SYNE2: variants seen among roughly 807,000 people sequenced by gnomAD.
SYNE2 encodes nesprin-2.
Under a neutral mutation model 856.3 loss-of-function variants are expected in SYNE2, and 431 were observed. That is an observed-to-expected ratio of 0.50 (90% CI 0.47 to 0.55). SYNE2 has a LOEUF of 0.55. Among genes scored for constraint, SYNE2 ranks in the 20% least tolerant of loss-of-function variants. SYNE2 has a pLI of 0.00. For synonymous variants in SYNE2, 2,923 were observed against 2,872.3 expected, an observed-to-expected ratio of 1.02 and a Z score of -0.56; for missense variants, 8,129 against 8,023.2, an observed-to-expected ratio of 1.01 and a Z score of -0.50.
At chr14:64,139,904 T>G (rs1375491613) in intron 79 of SYNE2, 37 bp from the exon 80 acceptor site, 1 of 1,612,554 alleles carries the variant, frequency 6.2e-7, no homozygotes, top group East Asian at 2.2e-5. Flanking sequence ...CAGAATATGT[T>G]TCTAATCTGC....
chr14:64,160,918 G>A (rs1475914521), intron 87 of SYNE2, among the ~76,000 whole-genome samples: 1 of 151,346 alleles, frequency 6.6e-6, no homozygotes, highest in Non-Finnish European at 1.5e-5. Flanking sequence ...ATACTAAACA[G>A]GAATTAAACT....
At chr14:63,989,932 G>A (rs2096654589) in intron 19 of SYNE2, among the ~76,000 whole-genome samples, 1 of 152,258 alleles carries the variant, frequency 6.6e-6, no homozygotes, top group Admixed American at 6.5e-5. Flanking sequence ...TTACAGGCGT[G>A]AGCCACTGTG....
At chr14:64,058,987 A>G (rs1317028801) in intron 49 of SYNE2, among the ~76,000 whole-genome samples, 1 of 152,084 alleles carries the variant, frequency 6.6e-6, no homozygotes, top group Non-Finnish European at 1.5e-5. Context: ...TGCAGTTTTC[A>G]ACCCCAGCAT....
intron 73 of SYNE2, among the ~76,000 whole-genome samples, chr14:64,127,783 C>G (rs981404532): frequency 2.0e-5 from 3 of 152,162 alleles, no homozygotes; most frequent in African/African-American, 7.2e-5. Flanking sequence ...TGAATCTGAC[C>G]AAGCTGCTAG....
chr14:63,963,770 CT>C, intron 9 of SYNE2, 128 bp from the exon 10 acceptor site: 1 of 691,318 alleles, frequency 1.4e-6, no homozygotes, highest in Non-Finnish European at 2.6e-6. Flanking sequence ...TGAAATTACT[CT>C]TTGGCATAAT....
At chr14:64,100,024 T>C (rs544757524) in intron 63 of SYNE2, 1 of 152,174 alleles carries the variant, frequency 6.6e-6, no homozygotes, top group Non-Finnish European at 1.5e-5. Context: ...TAAAGACACA[T>C]GCACACATAT....
intron 16 of SYNE2, 143 bp from the exon 17 acceptor site, chr14:63,982,487 T>G: frequency 2.6e-6 from 2 of 755,446 alleles, no homozygotes; most frequent in African/African-American, 2.1e-5. Context: ...GCCACTGCAC[T>G]CCAGCCTGGG....
chr14:63,974,529 C>G (rs2096513704), intron 11 of SYNE2, among the ~76,000 whole-genome samples: 1 of 151,976 alleles, frequency 6.6e-6, no homozygotes, highest in African/African-American at 2.4e-5. Flanking sequence ...GATAAACATT[C>G]AAACTGTACA....
At chr14:63,789,310 T>A (rs1887648497) in intron 1 of SYNE2, among the ~76,000 whole-genome samples, 1 of 152,238 alleles carries the variant, frequency 6.6e-6, no homozygotes, top group Admixed American at 6.5e-5. Context: ...ATCCTAGATC[T>A]CCTGTTTCCT....
chr14:63,964,195 A>G (rs1251329527), intron 10 of SYNE2, among the ~76,000 whole-genome samples, 195 bp downstream of exon 10: 1 of 152,254 alleles, frequency 6.6e-6, no homozygotes, highest in Non-Finnish European at 1.5e-5. Context: ...TAAAATGCAC[A>G]TTCTGGTTCA....
chr14:64,055,889 A>C, intron 48 of SYNE2, 55 bp from the exon 49 acceptor site: 1 of 1,416,562 alleles, frequency 7.1e-7, no homozygotes, highest in Non-Finnish European at 9.9e-7. Flanking sequence ...TAAGAATGAC[A>C]GGAATTCCAA....
At chr14:63,941,616 A>G in intron 3 of SYNE2, 79 bp from the exon 4 acceptor site, 1 of 1,246,982 alleles carries the variant, frequency 8.0e-7, no homozygotes, top group East Asian at 2.3e-5. Flanking sequence ...GTTTTTCACA[A>G]AGCACATTTA....
intron 45 of SYNE2, among the ~76,000 whole-genome samples, chr14:64,036,434 C>T (rs902366549): frequency 6.6e-6 from 1 of 152,074 alleles, no homozygotes; most frequent in Non-Finnish European, 1.5e-5. Flanking sequence ...CACAGGTGTG[C>T]ACCACCACAC....
chr14:63,895,648 G>A (rs895137292), intron 1 of SYNE2, among the ~76,000 whole-genome samples: 1 of 148,072 alleles, frequency 6.8e-6, no homozygotes, highest in African/African-American at 2.5e-5. Context: ...TGTGCCTATT[G>A]TCCCAGGTAC....
rs2153681761 is a variant in SYNE2 at position 64,132,278 on chromosome 14, A to G, written c.14354A>G (p.Lys4785Arg). 2 of 1,613,524 alleles carry G rather than the reference A, an allele frequency of 1.2e-6. No individual in the cohort carries two copies. Among genetic ancestry groups the G allele is most frequent in the Non-Finnish European group, 1.7e-6 (2 of 1,180,014 alleles). Residue 4785 changes from lysine to arginine, a missense_variant, in exon 77 of 116, where the codon AAG (lysine) becomes AGG (arginine). Physicochemically the swap from Lys to Arg is conservative, Grantham distance 26. Around this residue, in one of 3 missense-constraint regions of SYNE2, gnomAD observed 5,410 missense variants for 5,284.8 expected, o/e 1.02. Coordinates refer to ENST00000555002, the MANE Select transcript of SYNE2 (RefSeq NM_182914.3). ...TCCATCTCATAGGTTTTTTTCCAGA[A>G]GCTTGTTGCTGACATGTTGTTGATC... ...QIENHKVFFQ[K>R]LVADMLLIQA...
At chr14:63,778,455 C>T (rs565057363) in intron 1 of SYNE2, among the ~76,000 whole-genome samples, 27 of 152,192 alleles carry the variant, frequency 1.8e-4, no homozygotes, top group African/African-American at 6.3e-4. Flanking sequence ...TATGTGAAAA[C>T]ATCATGTTGT....
chr14:63,877,505 G>A lies in SYNE2; in HGVS notation c.-52+24362G>A, dbSNP rs996990450. 7.9e-5 allele frequency among the ~76,000 whole-genome samples: 12 copies of A among 152,248 alleles called. No individual in the cohort carries two copies. In the East Asian group the frequency reaches 2.3e-3, roughly 29 times the overall value. On this transcript the variant is annotated intron_variant, in intron 1 of 115. Coordinates refer to ENST00000555002, the MANE Select transcript of SYNE2 (RefSeq NM_182914.3). ...ACTTACATTCTCATATTTTGCCGTAGTAGAGATTAAGAAAACCACTGGAGT... is the reference window on the plus strand; with the variant it reads ...ACTTACATTCTCATATTTTGCCGTAATAGAGATTAAGAAAACCACTGGAGT...
At chr14:63,865,770 A>G (rs144245540) in intron 1 of SYNE2, among the ~76,000 whole-genome samples, 2,825 of 150,942 alleles carry the variant, frequency 0.019, 38 homozygotes, top group Middle Eastern at 0.034. Flanking sequence ...CTTTAAAAAA[A>G]AGAACACCAG....
Position 64,163,553 on chromosome 14 carries a change from T to C in SYNE2, c.16451T>C (p.Met5484Thr), listed in dbSNP as rs760397352. The C allele has an allele frequency of 6.2e-7, 1 of 1,614,168 alleles. No homozygotes were observed. Among genetic ancestry groups the C allele is most frequent in the African/African-American group, 1.3e-5 (1 of 75,056 alleles). Reference protein sequence around the residue: ...SLQRAAYLEKMLLVKANEFEF... With the variant: ...SLQRAAYLEKTLLVKANEFEF... ...CAGAGGGCTGCTTATTTGGAAAAGA[T>C]GCTGCTTGTGAAAGCAAATGAATTT... Residue 5484 changes from methionine (M) to threonine (T), a missense_variant, in exon 89 of 116, where the codon ATG becomes ACG. Coordinates refer to ENST00000555002, the MANE Select transcript of SYNE2 (RefSeq NM_182914.3).
Sources: allele counts gnomAD v4.1 joint callset (sites outside exome capture counted in the v4.1 genomes callset), GRCh38; gene constraint gnomAD v4.1.1; regional missense constraint gnomAD v4.1.1; transcripts MANE v1.5; gene names NCBI Gene and HGNC (gene_info 2026-07-23, HGNC 2026-07-21).